Variants in RFX4 observed in about 807,000 individuals in gnomAD.
RFX4 encodes transcription factor RFX4.
A neutral mutation model predicts 95.0 loss-of-function variants in RFX4; 10 were observed. That is an observed-to-expected ratio of 0.11 (90% CI 0.06 to 0.18). RFX4 has a LOEUF of 0.18. RFX4 is among the 10% of genes least tolerant of loss of function. The pLI, the probability that RFX4 is intolerant of heterozygous loss-of-function variation, is 1.00. For synonymous variants in RFX4, 321 were observed against 340.7 expected (o/e 0.94, Z 0.64); for missense variants, 640 against 922.0 (o/e 0.69, Z 3.96).
chr12:106,735,279 T>G (rs1254057026), intron 15 of RFX4, among the ~76,000 whole-genome samples: 1 of 152,072 alleles, frequency 6.6e-6, no homozygotes, highest in Non-Finnish European at 1.5e-5. Context: ...ATAAAAGTGA[T>G]GTTAAGAAAA....
At chr12:106,607,733 C>A (rs1157631552) in intron 1 of RFX4, among the ~76,000 whole-genome samples, 2 of 151,954 alleles carry the variant, frequency 1.3e-5, no homozygotes, top group Non-Finnish European at 2.9e-5. Context: ...TATAGCAGAG[C>A]TGACTGTACT....
intron 1 of RFX4, among the ~76,000 whole-genome samples, chr12:106,598,237 G>GA (rs2039648491): frequency 6.6e-6 from 1 of 151,946 alleles, no homozygotes; most frequent in South Asian, 2.1e-4. Flanking sequence ...TCAAAACAAA[G>GA]AAAAAATGAT....
At chr12:106,618,672 T>C (rs1187254089) in intron 2 of RFX4, among the ~76,000 whole-genome samples, 1 of 152,114 alleles carries the variant, frequency 6.6e-6, no homozygotes, top group Non-Finnish European at 1.5e-5. Flanking sequence ...AGTTTTTCAC[T>C]ATAGCTTTTT....
At chr12:106,633,619 G>C (rs2040458944) in intron 2 of RFX4, among the ~76,000 whole-genome samples, 1 of 152,188 alleles carries the variant, frequency 6.6e-6, no homozygotes, top group South Asian at 2.1e-4. Context: ...GCTTGGATGA[G>C]TCAAGTTGCT....
chr12:106,591,499 C>T (rs1198402681), intron 1 of RFX4, among the ~76,000 whole-genome samples: 2 of 152,024 alleles, frequency 1.3e-5, no homozygotes, highest in African/African-American at 4.8e-5. Context: ...AACTCCTGAC[C>T]TTGTGATCCA....
Position 106,592,829 on chromosome 12 carries a change from G to A in RFX4, c.43+9466G>A, listed in dbSNP as rs138003803. On this transcript the variant is annotated intron_variant, in intron 1 of 17. Transcript: ENST00000392842. Reference sequence around the variant, plus strand: ...TATATTTTTAACGTGAGGATAAAACGTCCATTTGTTCTGTTTTTGTCTTTA... The same window carrying A: ...TATATTTTTAACGTGAGGATAAAACATCCATTTGTTCTGTTTTTGTCTTTA... Among the ~76,000 whole-genome samples the A allele has an allele frequency of 8.5e-3, 1,298 of 152,184 alleles. 5 individuals are homozygous for A. The highest frequency in any genetic ancestry group is 0.011 in the Non-Finnish European group (781 of 68,000).
In RFX4 at chr12:106,652,285, G is replaced by C. The variant is rs2040869789; in HGVS notation, c.192-1943G>C. ...ATATTTGTTGAGTTAAAGGTTATCT[G>C]TGTCTTTGTCCATCTGTCTACCATT... On this transcript the variant is annotated intron_variant, in intron 3 of 17. Transcript: ENST00000392842. Among the ~76,000 whole-genome samples, 2 of 152,172 alleles carry C rather than the reference G, an allele frequency of 1.3e-5. 1 individual carries two copies. The highest frequency in any genetic ancestry group is 4.1e-4 in the South Asian group (2 of 4,828).
chr12:106,611,916 A>G (rs2039969443), intron 2 of RFX4, among the ~76,000 whole-genome samples: 1 of 152,218 alleles, frequency 6.6e-6, no homozygotes, highest in Non-Finnish European at 1.5e-5. Context: ...ATTGTCAAAA[A>G]ACATTTGATC....
intron 4 of RFX4, among the ~76,000 whole-genome samples, chr12:106,678,360 T>G (rs566973542): frequency 4.6e-5 from 7 of 152,320 alleles, no homozygotes; most frequent in African/African-American, 1.7e-4. Flanking sequence ...ATTTCAGAAC[T>G]TAGCCCAGTC....
At chr12:106,611,874 C>T (rs2039968561) in intron 2 of RFX4, among the ~76,000 whole-genome samples, 1 of 152,166 alleles carries the variant, frequency 6.6e-6, no homozygotes, top group African/African-American at 2.4e-5. Flanking sequence ...GTTGAAAAGA[C>T]TATTCTTTCC....
chr12:106,695,537 A>G (rs2041863205), intron 7 of RFX4, among the ~76,000 whole-genome samples: 1 of 152,148 alleles, frequency 6.6e-6, no homozygotes, highest in Admixed American at 6.5e-5. Context: ...AGTTCCTGCT[A>G]TCATCATATT....
At chr12:106,687,165 C>T in intron 6 of RFX4, 68 bp downstream of exon 6, 3 of 1,005,786 alleles carry the variant, frequency 3.0e-6, no homozygotes, top group Non-Finnish European at 4.5e-6. Context: ...CTCTCTGTCT[C>T]TATCTCTCTC....
At chr12:106,705,715 G>GGGAC (rs1300132342) in intron 8 of RFX4, among the ~76,000 whole-genome samples, 2 of 152,162 alleles carry the variant, frequency 1.3e-5, no homozygotes, top group Non-Finnish European at 2.9e-5. Context: ...GTAAGCTGAG[G>GGGAC]GGACAGTGGG....
At chr12:106,747,695 AGGCCAAGGTG>A (rs1381066393) in intron 16 of RFX4, 96 bp downstream of exon 16, 8 of 1,401,222 alleles carry the variant, frequency 5.7e-6, no homozygotes, top group Non-Finnish European at 7.8e-6. Context: ...GCACTTTGGG[AGGCCAAGGTG>A]GGCCTTGAAG....
chr12:106,741,809 G>C (rs1243019480), intron 15 of RFX4, among the ~76,000 whole-genome samples: 1 of 152,162 alleles, frequency 6.6e-6, no homozygotes, highest in Admixed American at 6.5e-5. Flanking sequence ...GAAGAGGTGG[G>C]GGGGATGGTT....
chr12:106,690,400 C>T (rs966505036), intron 7 of RFX4, among the ~76,000 whole-genome samples: 4 of 152,144 alleles, frequency 2.6e-5, no homozygotes, highest in East Asian at 1.9e-4. Context: ...TTTCGAACTG[C>T]GGTTTGGCTC....
chr12:106,716,202 G>T (rs1378145472), intron 11 of RFX4, among the ~76,000 whole-genome samples: 1 of 151,990 alleles, frequency 6.6e-6, no homozygotes, highest in African/African-American at 2.4e-5. Flanking sequence ...CCAGCTGACT[G>T]CCCAGGGCAT....
chr12:106,740,357 C>T (rs922565258), intron 15 of RFX4, among the ~76,000 whole-genome samples: 1 of 152,178 alleles, frequency 6.6e-6, no homozygotes, highest in Admixed American at 6.5e-5. Flanking sequence ...AGCCCTGCCA[C>T]AGAGTCTGCG....
At position 106,683,865 on chromosome 12, in the gene RFX4, G is replaced by A. The variant is rs1225080952; in HGVS notation, c.377+1811G>A. The A allele has an allele frequency of 2.6e-5, 4 of 152,088 alleles. No individual in the cohort carries two copies. The East Asian group carries it at 7.7e-4, about 29-fold the overall frequency. 9.4% of individuals were successfully genotyped at this position (152,088 alleles called of 1,614,324 possible). ...GGGAGAGTCTGTTTTTGTTTTGTTT[G>A]TTTTTCTTTTTCTTTAACCTCGAGG... On this transcript the variant is annotated intron_variant, in intron 5 of 17. Transcript: ENST00000392842.
Sources: gnomAD v4.1 joint callset for allele counts (sites outside exome capture counted in the v4.1 genomes callset) on GRCh38, gnomAD v4.1.1 for gene constraint, MANE v1.5 for transcripts, NCBI Gene and HGNC (gene_info 2026-07-23, HGNC 2026-07-21) for gene names.